The following REXO1 variants were observed in gnomAD, a reference collection of about 807,000 sequenced individuals.
The protein encoded by REXO1 is RNA exonuclease 1 homolog.
REXO1 carries 42 observed loss-of-function variants against 102.6 expected under a neutral mutation model. The observed-to-expected ratio is 0.41, with a 90% CI of 0.32 to 0.53. The LOEUF is 0.53. Among genes scored for constraint, REXO1 ranks in the 20% least tolerant of loss-of-function variants. The pLI is 0.27. For missense variants in REXO1, 1,819 were observed against 1,732.5 expected (o/e 1.05, Z -0.89); for synonymous variants, 908 against 779.1 (o/e 1.17, Z -2.76).
chr19:1,839,943 G>GGGCCTGCTCCT (rs1474204508), intron 1 of REXO1, among the ~76,000 whole-genome samples: 1 of 152,208 alleles, frequency 6.6e-6, no homozygotes, highest in Admixed American at 6.5e-5. Flanking sequence ...TGTCTCCCTA[G>GGGCCTGCTCCT]GGCCTGCTCC....
At chr19:1,837,738 A>C (rs905126290) in intron 1 of REXO1, among the ~76,000 whole-genome samples, 2 of 152,166 alleles carry the variant, frequency 1.3e-5, no homozygotes, top group African/African-American at 4.8e-5. Flanking sequence ...CTCTGCTCCA[A>C]GGCACCGCCC....
At chr19:1,846,726 C>A (rs1304856573) in intron 1 of REXO1, among the ~76,000 whole-genome samples, 1 of 152,066 alleles carries the variant, frequency 6.6e-6, no homozygotes, top group Non-Finnish European at 1.5e-5. Flanking sequence ...CCTATCTCCA[C>A]GAAAACATAC....
At chr19:1,817,425 A>G in intron 11 of REXO1, 96 bp from the exon 12 acceptor site, 1 of 1,544,446 alleles carries the variant, frequency 6.5e-7, no homozygotes, top group Non-Finnish European at 8.7e-7. Flanking sequence ...GGACCATCCT[A>G]TCCATCCATC....
At chr19:1,831,269 T>C (rs916153305) in intron 1 of REXO1, among the ~76,000 whole-genome samples, 4 of 152,312 alleles carry the variant, frequency 2.6e-5, no homozygotes, top group Admixed American at 2.0e-4. Context: ...AGACGCCACT[T>C]GGCTCTGACT....
In REXO1 at chr19:1,827,420, G is replaced by A. The variant is rs770705943; in HGVS notation, c.1369C>T (p.Arg457Trp). 11 of 1,545,288 alleles carry A rather than the reference G, an allele frequency of 7.1e-6. No homozygotes were observed. The highest frequency in any genetic ancestry group is 2.8e-5 in the African/African-American group (2 of 71,984). ...GAGTCCCCGCTTGTGGGGCTCGGCCGCCGCGCTGGCCGGTCAGGCCTCCCT... is the reference window on the plus strand; with the variant it reads ...GAGTCCCCGCTTGTGGGGCTCGGCCACCGCGCTGGCCGGTCAGGCCTCCCT... Reference protein sequence around the residue: ...GKGRPDRPARRPSPTSGDSRP... With the variant: ...GKGRPDRPARWPSPTSGDSRP... Residue 457 changes from arginine to tryptophan, a missense_variant, in exon 2 of 16, where the codon CGG becomes TGG. By Grantham distance (101) the Arg-to-Trp change is moderately radical. Transcript: ENST00000170168.
At chr19:1,822,648 C>T (rs1374990224) in intron 4 of REXO1, 1 of 152,430 alleles carries the variant, frequency 6.6e-6, no homozygotes, top group Non-Finnish European at 1.5e-5. Context: ...CGTGTGGGGT[C>T]CTGGGATAGG....
At position 1,848,239 on chromosome 19, in the gene REXO1, G is replaced by T; in HGVS notation, c.120C>A (p.Gly40=). The T allele has an allele frequency of 8.1e-6, 10 of 1,228,804 alleles. No homozygotes were observed. Among genetic ancestry groups the T allele is most frequent in the Non-Finnish European group, 1.0e-5 (10 of 982,212 alleles). 76.1% of individuals were successfully genotyped at this position (1,228,804 alleles called of 1,614,324 possible). A position where few individuals can be genotyped will look rare whatever the true frequency, so the allele number is the denominator to read the frequency against. Residue 40 remains glycine (G), a synonymous_variant, in exon 1 of 16, where the codon GGC becomes GGA. Transcript: ENST00000170168. The part of the protein sequence containing the change: ...HFRHRGARGS[G]APGDGGEAPP... ...GCGCCTCTCCGCCGTCACCGGGCGC[G>T]CCGGAGCCCCGGGCCCCGCGGTGCC... is the stretch of plus-strand genomic sequence containing the variant.
intron 1 of REXO1, among the ~76,000 whole-genome samples, chr19:1,829,287 G>A (rs779201313): frequency 3.3e-5 from 5 of 152,048 alleles, no homozygotes; most frequent in Non-Finnish European, 7.4e-5. Flanking sequence ...TGCCCAAGCT[G>A]GAGTATAGTG....
At chr19:1,845,272 G>C (rs1006530752) in intron 1 of REXO1, among the ~76,000 whole-genome samples, 3 of 152,200 alleles carry the variant, frequency 2.0e-5, no homozygotes, top group Non-Finnish European at 4.4e-5. Flanking sequence ...CTCTAGGCCG[G>C]GGATGCACAT....
intron 1 of REXO1, among the ~76,000 whole-genome samples, chr19:1,833,459 C>G (rs182182337): frequency 1.3e-5 from 2 of 152,360 alleles, no homozygotes; most frequent in African/African-American, 4.8e-5. Flanking sequence ...CTGGCACCAT[C>G]TCACAGCCAA....
chr19:1,845,762 G>A (rs1310650931), intron 1 of REXO1, among the ~76,000 whole-genome samples: 1 of 152,188 alleles, frequency 6.6e-6, no homozygotes, highest in Non-Finnish European at 1.5e-5. Flanking sequence ...GGTCGCCAAT[G>A]ACCCGCTGAG....
At chr19:1,837,002 C>G (rs887199458) in intron 1 of REXO1, among the ~76,000 whole-genome samples, 3 of 152,230 alleles carry the variant, frequency 2.0e-5, no homozygotes, top group Non-Finnish European at 2.9e-5. Context: ...GCAAGACTAC[C>G]CCCAACCTAG....
In REXO1 at chr19:1,848,464, CAT is replaced by C; in HGVS notation, c.-108_-107del. The C allele has an allele frequency of 3.4e-6, 3 of 884,112 alleles. No homozygotes were observed. The highest frequency in any genetic ancestry group is 2.8e-6 in the Non-Finnish European group (2 of 720,716). 54.8% of individuals were successfully genotyped at this position (884,112 alleles called of 1,614,324 possible). A position where few individuals can be genotyped will look rare whatever the true frequency, so the allele number is the denominator to read the frequency against. Reference sequence around the variant, plus strand: ...CGCGCCTCACGGACCCCGCCGCCGCCATCTTGCTCCGAGGCCCCCGGAGGCCC... The same window carrying C: ...CGCGCCTCACGGACCCCGCCGCCGCCCTTGCTCCGAGGCCCCCGGAGGCCC... On this transcript the variant is annotated 5_prime_UTR_variant, in exon 1 of 16. It removes an upstream start codon present in the reference 5' UTR. Coordinates refer to ENST00000170168, the MANE Select transcript of REXO1 (RefSeq NM_020695.4).
rs369281825 is a variant in REXO1, at chr19:1,827,769, C to T, written c.1020G>A (p.Thr340=). ...GGTCCCCCACGTCGCACTGCACGGC[C>T]GTCTCCTTGGTCTCCCGCAGGCCGC... ...EGGGLRETKE[T]AVQCDVGDLQ... is the part of the protein sequence containing the mutation. Residue 340 remains threonine (T), a synonymous_variant, in exon 2 of 16, where the codon ACG becomes ACA. Transcript: ENST00000170168. 1.9e-5 allele frequency: 30 copies of T among 1,580,906 alleles called. No individual in the cohort carries two copies. The highest frequency in any genetic ancestry group is 1.1e-4 in the South Asian group (10 of 88,462).
intron 5 of REXO1, 68 bp downstream of exon 5, chr19:1,821,451 T>C: frequency 6.3e-7 from 1 of 1,590,420 alleles, no homozygotes; most frequent in Non-Finnish European, 8.6e-7. Flanking sequence ...CCTCCGCAGG[T>C]CCCATGTGGC....
chr19:1,827,731 G>T lies in REXO1; in HGVS notation c.1058C>A (p.Pro353Gln). 3 of 1,569,762 alleles carry T rather than the reference G, an allele frequency of 1.9e-6. No individual in the cohort carries two copies. The highest frequency in any genetic ancestry group is 2.6e-6 in the Non-Finnish European group (3 of 1,168,680). The change falls in exon 2 of 16, where the codon CCA becomes CAA. Residue 353 changes from proline (P) to glutamine (Q), a missense_variant. Pro to Gln is a moderately conservative substitution (Grantham distance 76). Transcript: ENST00000170168. ...CTGGGCTGGGGAGGCGGGCTTGGCT[G>T]GGGGCGGCTGGAGGTCCCCCACGTC... ...QCDVGDLQPP[P>Q]AKPASPAQVQ...
intron 7 of REXO1, 110 bp from the exon 8 acceptor site, chr19:1,819,241 CCT>C (rs1425340637): frequency 1.3e-6 from 1 of 753,678 alleles, no homozygotes; most frequent in African/African-American, 1.8e-5. Flanking sequence ...CTCAACTCCC[CCT>C]TTCTGGGACA....
intron 13 of REXO1, 62 bp downstream of exon 13, chr19:1,816,636 G>A: frequency 1.3e-6 from 2 of 1,582,950 alleles, no homozygotes; most frequent in Non-Finnish European, 1.7e-6. Context: ...GGCGGGGGAG[G>A]GTGGGTCCCT....
chr19:1,829,218 G>A (rs974862883), intron 1 of REXO1, among the ~76,000 whole-genome samples: 1 of 152,208 alleles, frequency 6.6e-6, no homozygotes, highest in Non-Finnish European at 1.5e-5. Context: ...ATGCCCAGTT[G>A]ATGGGCCACC....
Sources: allele counts gnomAD v4.1 joint callset (sites outside exome capture counted in the v4.1 genomes callset), GRCh38; gene constraint gnomAD v4.1.1; transcripts MANE v1.5; gene names NCBI Gene and HGNC (gene_info 2026-07-23, HGNC 2026-07-21).